Variants in CPNE8 observed in about 807,000 individuals in gnomAD.
CPNE8 encodes copine-8.
In CPNE8, 45 loss-of-function variants were observed where a neutral mutation model predicts 81.5. The ratio of observed to expected loss-of-function variants is 0.55; its 90% confidence interval spans 0.44 to 0.71. The LOEUF is 0.71. CPNE8 is among the 30% of genes least tolerant of loss of function. CPNE8 has a pLI of 0.00. For synonymous variants in CPNE8, 252 were observed against 226.3 expected, an observed-to-expected ratio of 1.11 and a Z score of -1.02; for missense variants, 594 against 672.1, an observed-to-expected ratio of 0.88 and a Z score of 1.28.
intron 3 of CPNE8, among the ~76,000 whole-genome samples, chr12:38,861,245 CG>C (rs933709947): frequency 1.1e-4 from 17 of 151,986 alleles, no homozygotes; most frequent in African/African-American, 4.1e-4. Flanking sequence ...GAGAGAAAAA[CG>C]GGAAATTGTT....
At chr12:38,862,312 T>C (rs1162200205) in intron 3 of CPNE8, among the ~76,000 whole-genome samples, 1 of 151,870 alleles carries the variant, frequency 6.6e-6, no homozygotes, top group African/African-American at 2.4e-5. Context: ...GAAGATTAGA[T>C]GGTGGAAACA....
intron 6 of CPNE8, among the ~76,000 whole-genome samples, chr12:38,806,219 T>C (rs1451532165): frequency 7.3e-5 from 11 of 150,154 alleles, no homozygotes; most frequent in Middle Eastern, 3.4e-3. Context: ...TTCCAATCAA[T>C]AGAAAAAGAG....
intron 18 of CPNE8, among the ~76,000 whole-genome samples, chr12:38,673,859 C>T (rs143662950): frequency 0.013 from 1,992 of 151,720 alleles, 30 homozygotes; most frequent in South Asian, 0.044. Context: ...TAATTTCTCT[C>T]GGTGGCATGC....
At position 38,730,342 on chromosome 12, in the gene CPNE8, C is replaced by T; in HGVS notation, c.739G>A (p.Glu247Lys). Residue 247 changes from glutamate to lysine, a missense_variant, in exon 11 of 20, where the codon GAA becomes AAA. Coordinates refer to ENST00000331366, the MANE Select transcript of CPNE8 (RefSeq NM_153634.3). ...AGTTCCCTATAGCTTGTTGTAAATT[C>T]TCCAATGAAATCATGACTAAAATTA... ...DRDGSHDFIG[E>K]FTTSYRELSR... 6.3e-7 allele frequency: 1 copy of T among 1,577,176 alleles called. No individual in the cohort carries two copies. The highest frequency in any genetic ancestry group is 8.6e-7 in the Non-Finnish European group (1 of 1,157,118).
chr12:38,680,839 TA>T (rs1437273146), intron 16 of CPNE8, among the ~76,000 whole-genome samples: 2 of 151,906 alleles, frequency 1.3e-5, no homozygotes, highest in African/African-American at 4.8e-5. Flanking sequence ...AATTCCAAAA[TA>T]AAAAGTTATT....
At chr12:38,664,717 C>A (rs1277268555) in intron 19 of CPNE8, among the ~76,000 whole-genome samples, 1 of 152,084 alleles carries the variant, frequency 6.6e-6, no homozygotes, top group Admixed American at 6.6e-5. Flanking sequence ...TTACAATACA[C>A]ACAGTTCTAC....
chr12:38,750,291 T>C (rs577295575), intron 10 of CPNE8, among the ~76,000 whole-genome samples: 1 of 152,262 alleles, frequency 6.6e-6, no homozygotes, highest in African/African-American at 2.4e-5. Context: ...GGCGGGGCCC[T>C]CATGGAGAAC....
At chr12:38,710,283 A>AAAAAC (rs1940221074) in intron 13 of CPNE8, among the ~76,000 whole-genome samples, 1 of 149,718 alleles carries the variant, frequency 6.7e-6, no homozygotes, top group Non-Finnish European at 1.5e-5. Context: ...AAAAAAAAAA[A>AAAAAC]AAAAACCAAC....
At chr12:38,879,811 T>C (rs886347317) in intron 1 of CPNE8, among the ~76,000 whole-genome samples, 1 of 152,010 alleles carries the variant, frequency 6.6e-6, no homozygotes, top group African/African-American at 2.4e-5. Context: ...CTAATTTAAT[T>C]AAAAAATTAG....
At chr12:38,693,954 TAC>T in intron 14 of CPNE8, 116 bp from the exon 15 acceptor site, 3 of 689,994 alleles carry the variant, frequency 4.3e-6, no homozygotes, top group Non-Finnish European at 6.8e-6. Flanking sequence ...TCTGCCTATA[TAC>T]AGTGTGTCAA....
chr12:38,741,882 T>C (rs1312059452), intron 10 of CPNE8, among the ~76,000 whole-genome samples: 1 of 152,136 alleles, frequency 6.6e-6, no homozygotes, highest in East Asian at 1.9e-4. Context: ...CAGACACTTC[T>C]CAAAAGGAAA....
rs150633464 is a variant in CPNE8 at position 38,794,160 on chromosome 12, C to T, written c.408-17859G>A. Among the ~76,000 whole-genome samples, 28 of 152,144 alleles carry T rather than the reference C, an allele frequency of 1.8e-4. No homozygotes were observed. In the East Asian group the frequency reaches 5.4e-3, roughly 29 times the overall value. ...TGACAATGATTTCTTGGATACGACA[C>T]CAAAAGTACAGGCAACGAAAAGCAA... On this transcript the variant is annotated intron_variant, in intron 6 of 19. Coordinates refer to ENST00000331366, the MANE Select transcript of CPNE8 (RefSeq NM_153634.3).
At chr12:38,739,680 T>A (rs373901532) in intron 10 of CPNE8, among the ~76,000 whole-genome samples, 1 of 152,210 alleles carries the variant, frequency 6.6e-6, no homozygotes, top group South Asian at 2.1e-4. Flanking sequence ...TATTCACTTT[T>A]TAAAAGTTGA....
intron 6 of CPNE8, among the ~76,000 whole-genome samples, chr12:38,828,213 A>G (rs73089577): frequency 6.6e-6 from 1 of 152,174 alleles, no homozygotes. Context: ...AGGAGATGCA[A>G]TTAGAATTAT....
chr12:38,782,524 C>A (rs1188824167), intron 6 of CPNE8, among the ~76,000 whole-genome samples: 3 of 152,102 alleles, frequency 2.0e-5, no homozygotes, highest in South Asian at 4.1e-4. Context: ...ATAATTTTTC[C>A]AACAATGTCT....
Position 38,748,388 on chromosome 12 carries a change from T to A in CPNE8, c.722+12459A>T, listed in dbSNP as rs559618050. Among the ~76,000 whole-genome samples the A allele has an allele frequency of 3.3e-5, 5 of 152,324 alleles. No individual in the cohort carries two copies. The East Asian group carries it at 7.7e-4, about 24-fold the overall frequency. ...TAATTTGGACATCAGGGTTGTTCTA[T>A]CATAAATAACTGAGTTGAACATTTT... On this transcript the variant is annotated intron_variant, in intron 10 of 19. Coordinates refer to ENST00000331366, the MANE Select transcript of CPNE8 (RefSeq NM_153634.3).
At chr12:38,751,561 G>A (rs988650106) in intron 10 of CPNE8, among the ~76,000 whole-genome samples, 1 of 152,184 alleles carries the variant, frequency 6.6e-6, no homozygotes, top group African/African-American at 2.4e-5. Context: ...GCTGTGGGAT[G>A]TTGAGTTAGA....
At chr12:38,675,606 C>G in intron 18 of CPNE8, 111 bp downstream of exon 18, 4 of 715,916 alleles carry the variant, frequency 5.6e-6, no homozygotes, top group Non-Finnish European at 9.8e-6. Flanking sequence ...TATACAAACC[C>G]AAATACACAG....
chr12:38,692,196 C>G (rs189813234), intron 15 of CPNE8, among the ~76,000 whole-genome samples: 3 of 151,862 alleles, frequency 2.0e-5, no homozygotes, highest in Non-Finnish European at 2.9e-5. Context: ...AGCTGAGGCA[C>G]GAGAACTGCT....
Sources: allele counts gnomAD v4.1 joint callset (sites outside exome capture counted in the v4.1 genomes callset), GRCh38; gene constraint gnomAD v4.1.1; transcripts MANE v1.5; gene names NCBI Gene and HGNC (gene_info 2026-07-23, HGNC 2026-07-21).